The following LRRC4C variants were observed in gnomAD, a reference collection of about 807,000 sequenced individuals.
LRRC4C encodes the protein leucine rich repeat containing 4C.
In LRRC4C, 5 loss-of-function variants were observed where a neutral mutation model predicts 33.6. The observed-to-expected ratio is 0.15, with a 90% CI of 0.08 to 0.31. The LOEUF (loss-of-function observed/expected upper bound fraction) is 0.31. Among genes scored for constraint, LRRC4C ranks in the 10% least tolerant of loss-of-function variants. LRRC4C has a pLI of 1.00. For missense variants in LRRC4C, 560 were observed against 796.7 expected, an observed-to-expected ratio of 0.70 and a Z score of 3.58; for synonymous variants, 329 against 302.0, an observed-to-expected ratio of 1.09 and a Z score of -0.93.
chr11:40,520,801 CA>C (rs1340130028), intron 3 of LRRC4C, among the ~76,000 whole-genome samples: 2 of 152,056 alleles, frequency 1.3e-5, no homozygotes, highest in Non-Finnish European at 2.9e-5. Flanking sequence ...TGCAATAAAG[CA>C]AAGTGCAATA....
At chr11:40,594,296 T>C (rs1182485015) in intron 3 of LRRC4C, among the ~76,000 whole-genome samples, 2 of 152,254 alleles carry the variant, frequency 1.3e-5, no homozygotes, top group Non-Finnish European at 2.9e-5. Flanking sequence ...TCATCTTATA[T>C]AATCCTCATT....
At chr11:40,933,274 C>A (rs574353554) in intron 2 of LRRC4C, among the ~76,000 whole-genome samples, 1 of 152,192 alleles carries the variant, frequency 6.6e-6, no homozygotes, top group South Asian at 2.1e-4. Flanking sequence ...CCTGGCAAAA[C>A]TGTAATTTGT....
chr11:41,389,198 T>C (rs1300251943), intron 1 of LRRC4C, among the ~76,000 whole-genome samples: 2 of 151,890 alleles, frequency 1.3e-5, no homozygotes, highest in African/African-American at 4.8e-5. Context: ...CACAGGACCT[T>C]GCAGCTTACA....
At chr11:40,902,723 A>G (rs1378800880) in intron 2 of LRRC4C, among the ~76,000 whole-genome samples, 2 of 152,184 alleles carry the variant, frequency 1.3e-5, no homozygotes, top group Admixed American at 6.5e-5. Context: ...AGGTCTGAAT[A>G]TATCAAAACA....
At chr11:40,760,956 G>C (rs1005462192) in intron 2 of LRRC4C, among the ~76,000 whole-genome samples, 2 of 149,946 alleles carry the variant, frequency 1.3e-5, no homozygotes, top group African/African-American at 4.9e-5. Flanking sequence ...CTGACCCCAA[G>C]CAATCCACCC....
At chr11:40,393,755 C>A (rs1019391963) in intron 3 of LRRC4C, among the ~76,000 whole-genome samples, 1 of 152,074 alleles carries the variant, frequency 6.6e-6, no homozygotes, top group Non-Finnish European at 1.5e-5. Flanking sequence ...GTATCTGTCA[C>A]AAACAATTGG....
intron 2 of LRRC4C, among the ~76,000 whole-genome samples, chr11:40,908,212 T>C (rs1956513048): frequency 6.6e-6 from 1 of 152,060 alleles, no homozygotes; most frequent in Non-Finnish European, 1.5e-5. Context: ...AAGAAGCCAG[T>C]TTCACTTCTA....
chr11:40,255,094 C>T (rs1867097639), intron 4 of LRRC4C, among the ~76,000 whole-genome samples: 1 of 152,134 alleles, frequency 6.6e-6, no homozygotes, highest in Non-Finnish European at 1.5e-5. Context: ...AGTCACCGCA[C>T]CCGGCCCTAA....
At chr11:40,787,479 A>C (rs1950458895) in intron 2 of LRRC4C, among the ~76,000 whole-genome samples, 1 of 152,236 alleles carries the variant, frequency 6.6e-6, no homozygotes, top group Admixed American at 6.5e-5. Flanking sequence ...GCATGTCTAC[A>C]GCAGCAGTTT....
chr11:41,108,185 C>G (rs781705284), intron 1 of LRRC4C, among the ~76,000 whole-genome samples: 8 of 152,046 alleles, frequency 5.3e-5, no homozygotes, highest in Non-Finnish European at 5.9e-5. Flanking sequence ...TTCCCCTAGT[C>G]TTTTTCCCCT....
intron 1 of LRRC4C, among the ~76,000 whole-genome samples, chr11:41,409,083 C>A (rs1197951120): frequency 6.6e-6 from 1 of 152,126 alleles, no homozygotes; most frequent in Non-Finnish European, 1.5e-5. Context: ...GCCATGGTTA[C>A]CCTCTTGGCC....
intron 1 of LRRC4C, among the ~76,000 whole-genome samples, chr11:41,089,574 T>C (rs1280184305): frequency 1.3e-5 from 2 of 151,828 alleles, no homozygotes; most frequent in East Asian, 3.8e-4. Flanking sequence ...CAGGTCAGAT[T>C]GCTAAATCTA....
At chr11:40,141,331 G>T (rs955356465) in intron 5 of LRRC4C, among the ~76,000 whole-genome samples, 6 of 151,944 alleles carry the variant, frequency 3.9e-5, no homozygotes, top group Admixed American at 3.3e-4. Context: ...CCCCAAACAA[G>T]AAAGATATAA....
chr11:40,707,571 T>C (rs1383027354), intron 2 of LRRC4C, among the ~76,000 whole-genome samples: 1 of 152,216 alleles, frequency 6.6e-6, no homozygotes, highest in Non-Finnish European at 1.5e-5. Context: ...AACTTGACCT[T>C]GGTGGATAAG....
At chr11:40,620,911 CTT>C (rs1962387483) in intron 3 of LRRC4C, among the ~76,000 whole-genome samples, 4 of 151,712 alleles carry the variant, frequency 2.6e-5, no homozygotes, top group African/African-American at 4.8e-5. Flanking sequence ...TCACAGCTGT[CTT>C]TCAGAGAATG....
At chr11:41,034,640 A>ATATATATATATAT (rs1565321331) in intron 1 of LRRC4C, among the ~76,000 whole-genome samples, 2 of 119,144 alleles carry the variant, frequency 1.7e-5, no homozygotes, top group African/African-American at 3.4e-5. Context: ...TATATATATG[A>ATATATATATATAT]GGTGAGAGTT....
At chr11:40,866,871 C>A (rs1954394009) in intron 2 of LRRC4C, among the ~76,000 whole-genome samples, 1 of 152,154 alleles carries the variant, frequency 6.6e-6, no homozygotes. Context: ...TGTAGCCTCA[C>A]AGACCATTTT....
rs139111043 is a variant in LRRC4C, at chr11:40,313,124, A to T, written c.-176+6504T>A. Among the ~76,000 whole-genome samples, 95 of 152,020 alleles carry T rather than the reference A, an allele frequency of 6.2e-4. 1 individual carries two copies. In the East Asian group the frequency reaches 0.012, roughly 19 times the overall value. ...TCAATCTCTACCTCTGGACATTACA[A>T]CTCACATTCTTTTTGTTTTGTCCTA... On this transcript the variant is annotated intron_variant, in intron 4 of 6. Transcript: ENST00000528697.
intron 2 of LRRC4C, among the ~76,000 whole-genome samples, chr11:40,671,197 T>C (rs980855564): frequency 6.6e-6 from 1 of 152,244 alleles, no homozygotes; most frequent in African/African-American, 2.4e-5. Flanking sequence ...TTGATGTCTT[T>C]AGAAAGTATT....
Sources: gnomAD v4.1 joint callset for allele counts (sites outside exome capture counted in the v4.1 genomes callset) on GRCh38, gnomAD v4.1.1 for gene constraint, MANE v1.5 for transcripts, NCBI Gene and HGNC (gene_info 2026-07-23, HGNC 2026-07-21) for gene names.